IFT57: variants seen among roughly 807,000 people sequenced by gnomAD.
IFT57 encodes intraflagellar transport protein 57 homolog.
IFT57 carries 59 observed loss-of-function variants against 56.8 expected under a neutral mutation model. That is an observed-to-expected ratio of 1.04 (90% confidence interval 0.84 to 1.29). The LOEUF (loss-of-function observed/expected upper bound fraction) is 1.29. Ranked by LOEUF, IFT57 falls within the 50% of genes most tolerant of loss-of-function variation. IFT57 has a pLI of 0.00. For missense variants in IFT57, 470 were observed against 522.1 expected, an observed-to-expected ratio of 0.90 and a Z score of 0.97; for synonymous variants, 209 against 186.1, an observed-to-expected ratio of 1.12 and a Z score of -1.00.
intron 6 of IFT57, among the ~76,000 whole-genome samples, chr3:108,185,215 T>C (rs991480438): frequency 2.0e-5 from 3 of 152,156 alleles, no homozygotes; most frequent in African/African-American, 7.2e-5. Context: ...GACATACTTA[T>C]AGCCTCCATT....
Position 108,197,617 on chromosome 3 carries a change from C to G in IFT57, c.655-5974G>C, listed in dbSNP as rs1044813325. Reference sequence around the variant, plus strand: ...ATGAGATGGCAACTTCATGGATATACTAGTGTCCAGATTCATTTGAAGAGC... The same window carrying G: ...ATGAGATGGCAACTTCATGGATATAGTAGTGTCCAGATTCATTTGAAGAGC... On this transcript the variant is annotated intron_variant, in intron 5 of 10. Transcript: ENST00000264538. Among the ~76,000 whole-genome samples, 15 of 152,168 alleles carry G rather than the reference C, an allele frequency of 9.9e-5. 1 individual carries two copies. Among genetic ancestry groups the G allele is most frequent in the Admixed American group, 6.5e-5 (1 of 15,280 alleles).
chr3:108,205,493 T>C (rs1470840), intron 5 of IFT57, among the ~76,000 whole-genome samples: 68,539 of 150,916 alleles, frequency 0.45, 16,048 homozygotes, highest in Middle Eastern at 0.55. Flanking sequence ...TGAGGATTAA[T>C]ATCACTAAGG....
intron 3 of IFT57, 25 bp from the exon 4 acceptor site, chr3:108,214,046 G>C (rs765314670): frequency 7.4e-7 from 1 of 1,356,748 alleles, no homozygotes; most frequent in Non-Finnish European, 1.0e-6. Context: ...TTAAACATGA[G>C]GTGATAATTT....
At chr3:108,187,753 T>A (rs937872379) in intron 6 of IFT57, among the ~76,000 whole-genome samples, 4 of 152,064 alleles carry the variant, frequency 2.6e-5, no homozygotes, top group Admixed American at 6.6e-5. Context: ...CTTTACTACT[T>A]GTCTCTCTCA....
At chr3:108,168,553 T>C (rs996634106) in intron 6 of IFT57, among the ~76,000 whole-genome samples, 1 of 152,056 alleles carries the variant, frequency 6.6e-6, no homozygotes, top group Non-Finnish European at 1.5e-5. Flanking sequence ...AGGTATACTA[T>C]GTGCCCTGGT....
chr3:108,180,630 G>A (rs2080146660), intron 6 of IFT57, among the ~76,000 whole-genome samples: 1 of 151,912 alleles, frequency 6.6e-6, no homozygotes, highest in African/African-American at 2.4e-5. Flanking sequence ...TTACTTGGTA[G>A]AAGGAAACAA....
Position 108,219,508 on chromosome 3 carries a change from A to C in IFT57, c.277T>G (p.Trp93Gly). Reference sequence around the variant, plus strand: ...GGACGTCCCGCTTTATTAATCAACCAAGCAGCAAGAGTACAAAACATGTAG... The same window carrying C: ...GGACGTCCCGCTTTATTAATCAACCCAGCAGCAAGAGTACAAAACATGTAG... ...QFYMFCTLAA[W>G]LINKAGRPFE... Residue 93 changes from tryptophan to glycine, a missense_variant, in exon 2 of 11, where the codon TGG (tryptophan) becomes GGG (glycine). Coordinates refer to ENST00000264538, the MANE Select transcript of IFT57 (RefSeq NM_018010.4). 6.2e-7 allele frequency: 1 copy of C among 1,613,982 alleles called. No homozygotes were observed. Among genetic ancestry groups the C allele is most frequent in the Non-Finnish European group, 8.5e-7 (1 of 1,179,842 alleles).
chr3:108,203,724 A>G (rs62267879), intron 5 of IFT57, among the ~76,000 whole-genome samples: 13,506 of 152,280 alleles, frequency 0.089, 662 homozygotes, highest in Middle Eastern at 0.12. Context: ...GCTCCAGTGG[A>G]GTTTGCATTC....
intron 6 of IFT57, among the ~76,000 whole-genome samples, chr3:108,172,323 A>G (rs1004175729): frequency 6.6e-6 from 1 of 151,872 alleles, no homozygotes; most frequent in Non-Finnish European, 1.5e-5. Context: ...GTTCTTGGGG[A>G]TGGGCTGGGG....
At chr3:108,187,649 A>G (rs1449636798) in intron 6 of IFT57, among the ~76,000 whole-genome samples, 1 of 152,030 alleles carries the variant, frequency 6.6e-6, no homozygotes, top group Non-Finnish European at 1.5e-5. Context: ...TGATTAAAAA[A>G]AAAAAGTGTG....
At chr3:108,205,252 G>A (rs910674204) in intron 5 of IFT57, among the ~76,000 whole-genome samples, 2 of 152,044 alleles carry the variant, frequency 1.3e-5, no homozygotes, top group Non-Finnish European at 2.9e-5. Flanking sequence ...TTTACATGTA[G>A]TAACTCCTTT....
chr3:108,215,911 TG>T (rs979602889), intron 3 of IFT57, among the ~76,000 whole-genome samples: 5 of 152,046 alleles, frequency 3.3e-5, no homozygotes, highest in Non-Finnish European at 7.4e-5. Context: ...TAAATAGTAC[TG>T]GGGAAACTGG....
At chr3:108,168,135 T>C (rs1322718760) in intron 6 of IFT57, among the ~76,000 whole-genome samples, 1 of 151,964 alleles carries the variant, frequency 6.6e-6, no homozygotes, top group Non-Finnish European at 1.5e-5. Context: ...TTAATATTTA[T>C]GACTACCCAT....
At chr3:108,185,551 A>ATTTTTTTTT (rs1179200943) in intron 6 of IFT57, among the ~76,000 whole-genome samples, 2 of 87,292 alleles carry the variant, frequency 2.3e-5, no homozygotes, top group African/African-American at 4.8e-5. Context: ...GAGCACTAGG[A>ATTTTTTTTT]TTTTTTTTTT....
Position 108,222,223 on chromosome 3 carries a change from GC to G in IFT57, c.99del (p.Gly35AlafsTer9), listed in dbSNP as rs757304821. 1.5e-5 allele frequency: 24 copies of G among 1,613,960 alleles called. No homozygotes were observed. The highest frequency in any genetic ancestry group is 1.9e-5 in the Non-Finnish European group (22 of 1,180,014). On this transcript the variant is annotated frameshift_variant, in exon 1 of 11. Transcript: ENST00000264538. LOFTEE classifies it high-confidence loss of function. The part of the protein sequence containing the change: ...EGTGEVVLER[G>X]PGAAYHMFVV... ...ACGAACATGTGGTAGGCCGCGCCGG[GC>G]CCCCGCTCCAAGACCACTTCCCCGG... is the stretch of plus-strand genomic sequence containing the variant.
In IFT57 at chr3:108,206,701, G is replaced by A; in HGVS notation, c.586-5C>T. ...TTCATTATCTGTCTCTTCTTCCTTA[G>A]AAAATAAATTTTTAAAAAATTATTA... On this transcript the variant is annotated splice_polypyrimidine_tract_variant and splice_region_variant and intron_variant, in intron 4 of 10. Coordinates refer to ENST00000264538, the MANE Select transcript of IFT57 (RefSeq NM_018010.4). 8.6e-7 allele frequency: 1 copy of A among 1,169,520 alleles called. No homozygotes were observed. The highest frequency in any genetic ancestry group is 1.1e-6 in the Non-Finnish European group (1 of 872,652). The allele number at this position is 1,169,520 out of a possible 1,614,324, so 72.4% of individuals were successfully genotyped here. A position where few individuals can be genotyped will look rare whatever the true frequency, so the allele number is the denominator to read the frequency against.
intron 1 of IFT57, among the ~76,000 whole-genome samples, chr3:108,221,738 A>G (rs1023066740): frequency 6.6e-5 from 10 of 152,014 alleles, no homozygotes; most frequent in African/African-American, 2.4e-4. Context: ...GGACGGTCTT[A>G]TAATTTTTCT....
chr3:108,210,006 T>C (rs973680136), intron 4 of IFT57, among the ~76,000 whole-genome samples: 1 of 152,248 alleles, frequency 6.6e-6, no homozygotes, highest in African/African-American at 2.4e-5. Flanking sequence ...AGTTACTAAG[T>C]ATTAAGAGAG....
At chr3:108,179,078 A>C (rs1196040116) in intron 6 of IFT57, among the ~76,000 whole-genome samples, 1 of 151,944 alleles carries the variant, frequency 6.6e-6, no homozygotes, top group Non-Finnish European at 1.5e-5. Context: ...CAAATCCGCC[A>C]CTGAAAGAGT....
Sources: gnomAD v4.1 joint callset for allele counts (sites outside exome capture counted in the v4.1 genomes callset) on GRCh38, gnomAD v4.1.1 for gene constraint, MANE v1.5 for transcripts, NCBI Gene and HGNC (gene_info 2026-07-23, HGNC 2026-07-21) for gene names.